Variants in FOXP1 observed in about 807,000 individuals in gnomAD.
FOXP1 encodes forkhead box protein P1.
A neutral mutation model predicts 98.2 loss-of-function variants in FOXP1; 15 were observed. The observed-to-expected ratio is 0.15, with a 90% confidence interval of 0.10 to 0.24. The LOEUF (loss-of-function observed/expected upper bound fraction) is 0.24, where lower values mean the gene tolerates loss of function less well. Ranked by LOEUF, FOXP1 falls within the 10% of genes least tolerant of loss-of-function variation. The probability of loss-of-function intolerance (pLI) is 1.00; values close to 1 mark genes in which losing one functional copy is unlikely to be tolerated. For missense variants in FOXP1, 633 were observed against 848.5 expected (o/e 0.75, Z 3.15); for synonymous variants, 371 against 314.5 (o/e 1.18, Z -1.90).
chr3:71,113,327 G>T (rs546410286), intron 6 of FOXP1, among the ~76,000 whole-genome samples: 2 of 152,286 alleles, frequency 1.3e-5, no homozygotes, highest in Admixed American at 6.5e-5. Context: ...ATATGGGATG[G>T]TTTCTCCTTA....
At chr3:71,463,426 A>G (rs1296248475) in intron 3 of FOXP1, among the ~76,000 whole-genome samples, 2 of 151,386 alleles carry the variant, frequency 1.3e-5, no homozygotes, top group African/African-American at 4.9e-5. Context: ...TTTGGAAAAC[A>G]GCTCACACCT....
rs893136423 is a variant in FOXP1, at chr3:71,307,892, T to A, written c.-72-8012A>T. 3.3e-5 allele frequency among the ~76,000 whole-genome samples: 5 copies of A among 152,346 alleles called. No individual in the cohort carries two copies. In the East Asian group the frequency reaches 9.6e-4, roughly 29 times the overall value. On this transcript the variant is annotated intron_variant, in intron 4 of 20. Transcript: ENST00000649528. Reference sequence around the variant, plus strand: ...ATCTAATTCCATAGGTATTAGATACTGTACCCTAAATTAATATTTTAATGA... The same window carrying A: ...ATCTAATTCCATAGGTATTAGATACAGTACCCTAAATTAATATTTTAATGA...
intron 4 of FOXP1, among the ~76,000 whole-genome samples, chr3:71,339,166 A>G (rs2076865153): frequency 6.6e-6 from 1 of 152,264 alleles, no homozygotes; most frequent in African/African-American, 2.4e-5. Context: ...GTCAAAAGGT[A>G]GCTGACAACA....
chr3:71,273,795 C>G lies in FOXP1; in HGVS notation c.-12+26025G>C, dbSNP rs550263565. On this transcript the variant is annotated intron_variant, in intron 5 of 20. Transcript: ENST00000649528. ...AAATGCATGGTGAAGGAATCAAATG[C>G]TCTACTATTCTGAGCACTGAGTGAT... Among the ~76,000 whole-genome samples the G allele has an allele frequency of 9.8e-5, 15 of 152,310 alleles. No individual in the cohort carries two copies. In the South Asian group the frequency reaches 1.4e-3, roughly 15 times the overall value.
chr3:71,112,109 G>C (rs1225561006), intron 7 of FOXP1, among the ~76,000 whole-genome samples: 1 of 148,454 alleles, frequency 6.7e-6, no homozygotes. Flanking sequence ...TTGTCTCCTG[G>C]TGGTGGGTGG....
At chr3:71,342,090 C>A (rs1331899076) in intron 4 of FOXP1, among the ~76,000 whole-genome samples, 1 of 152,200 alleles carries the variant, frequency 6.6e-6, no homozygotes, top group Non-Finnish European at 1.5e-5. Context: ...ATCAGATTTA[C>A]ATGCTGCAAG....
intron 4 of FOXP1, among the ~76,000 whole-genome samples, chr3:71,327,786 A>G (rs1484350973): frequency 6.6e-6 from 1 of 152,174 alleles, no homozygotes; most frequent in Admixed American, 6.5e-5. Context: ...ATGTTTACTG[A>G]TACATTATAT....
At chr3:71,505,521 G>T (rs927037528) in intron 2 of FOXP1, among the ~76,000 whole-genome samples, 2 of 149,570 alleles carry the variant, frequency 1.3e-5, no homozygotes, top group African/African-American at 4.9e-5. Context: ...CCCCTCCCAG[G>T]TTCAAGCGAT....
intron 3 of FOXP1, among the ~76,000 whole-genome samples, chr3:71,373,124 C>G (rs943757884): frequency 6.6e-6 from 1 of 152,172 alleles, no homozygotes. Context: ...AACCACAGTT[C>G]GTAATTTTGT....
chr3:71,211,393 A>C (rs1182007089), intron 5 of FOXP1, among the ~76,000 whole-genome samples: 1 of 152,054 alleles, frequency 6.6e-6, no homozygotes, highest in Non-Finnish European at 1.5e-5. Context: ...TTTAGTACAG[A>C]CAGGGTTTCA....
At chr3:71,048,118 T>C (rs984891639) in intron 9 of FOXP1, among the ~76,000 whole-genome samples, 1 of 151,584 alleles carries the variant, frequency 6.6e-6, no homozygotes, top group African/African-American at 2.4e-5. Flanking sequence ...AAAGGAAAAC[T>C]AACCCTTCCC....
At chr3:70,973,249 G>GCCCCCGCCCCA (rs1311332844) in intron 17 of FOXP1, among the ~76,000 whole-genome samples, 3 of 46,978 alleles carry the variant, frequency 6.4e-5, no homozygotes, top group East Asian at 1.7e-3. Context: ...CCCCCGCCCC[G>GCCCCCGCCCCA]CCCCGCCCCG....
chr3:71,065,702 A>T (rs999066662), intron 7 of FOXP1: 1 of 152,240 alleles, frequency 6.6e-6, no homozygotes, highest in African/African-American at 2.4e-5. Flanking sequence ...TTGCTAAGAA[A>T]TAATTCTTTA....
intron 2 of FOXP1, among the ~76,000 whole-genome samples, chr3:71,548,468 C>T (rs2045537008): frequency 6.6e-6 from 1 of 152,106 alleles, no homozygotes; most frequent in African/African-American, 2.4e-5. Flanking sequence ...TGCAGTGGCA[C>T]TCTCACGGCT....
At chr3:71,532,361 T>G (rs1170763093) in intron 2 of FOXP1, among the ~76,000 whole-genome samples, 1 of 152,144 alleles carries the variant, frequency 6.6e-6, no homozygotes, top group Non-Finnish European at 1.5e-5. Flanking sequence ...CCTCCCAAAG[T>G]GCTGAGATTA....
chr3:71,419,684 G>C (rs2083479754), intron 3 of FOXP1, among the ~76,000 whole-genome samples: 1 of 152,156 alleles, frequency 6.6e-6, no homozygotes, highest in Admixed American at 6.5e-5. Flanking sequence ...ATTTCCCAAA[G>C]TGTGCTGCAA....
At chr3:70,983,863 C>A (rs1018979597) in intron 14 of FOXP1, among the ~76,000 whole-genome samples, 1 of 151,984 alleles carries the variant, frequency 6.6e-6, no homozygotes, top group African/African-American at 2.4e-5. Context: ...TTTGTTTTGT[C>A]CTCTTAGTTT....
intron 5 of FOXP1, among the ~76,000 whole-genome samples, chr3:71,247,733 ACT>A (rs911546650): frequency 1.8e-4 from 27 of 152,216 alleles, no homozygotes; most frequent in African/African-American, 6.0e-4. Flanking sequence ...CCCATTCTCC[ACT>A]CTCAGTCCTA....
intron 5 of FOXP1, among the ~76,000 whole-genome samples, chr3:71,297,718 T>C (rs1350591344): frequency 2.0e-5 from 3 of 150,624 alleles, no homozygotes; most frequent in African/African-American, 7.3e-5. Flanking sequence ...CGGGTTTAAG[T>C]GATTCTCCTG....
Sources: gnomAD v4.1 joint callset for allele counts (sites outside exome capture counted in the v4.1 genomes callset) on GRCh38, gnomAD v4.1.1 for gene constraint, MANE v1.5 for transcripts, NCBI Gene and HGNC (gene_info 2026-07-23, HGNC 2026-07-21) for gene names.